Variants in CBX7 observed in about 807,000 individuals in gnomAD.
CBX7 encodes chromobox 7.
In CBX7, 14 loss-of-function variants were observed where a neutral mutation model predicts 31.4. The observed-to-expected ratio is 0.45, with a 90% CI of 0.29 to 0.70. The LOEUF (loss-of-function observed/expected upper bound fraction) is 0.70, where lower values mean the gene tolerates loss of function less well. Ranked by LOEUF, CBX7 falls within the 30% of genes least tolerant of loss-of-function variation. The pLI is 0.11. For synonymous variants in CBX7, 159 were observed against 152.6 expected, an observed-to-expected ratio of 1.04 and a Z score of -0.31; for missense variants, 269 against 351.9, an observed-to-expected ratio of 0.76 and a Z score of 1.89.
At position 39,132,059 on chromosome 22, in the gene CBX7, G is replaced by A. The variant is rs989440481; in HGVS notation, c.*1832C>T. On this transcript the variant is annotated 3_prime_UTR_variant, in exon 6 of 6. Coordinates refer to ENST00000216133, the MANE Select transcript of CBX7 (RefSeq NM_175709.5). ...CTAGATTCCATTCCCTGGGCTGGAG[G>A]TGAATCAGGTCATCCCGGAGGGGAC... The A allele has an allele frequency of 2.6e-5, 4 of 152,250 alleles. No individual in the cohort carries two copies. The highest frequency in any genetic ancestry group is 2.1e-4 in the South Asian group (1 of 4,828). 9.4% of individuals were successfully genotyped at this position (152,250 alleles called of 1,614,324 possible).
intron 2 of CBX7, among the ~76,000 whole-genome samples, chr22:39,144,490 A>C (rs901638137): frequency 6.6e-6 from 1 of 152,248 alleles, no homozygotes; most frequent in African/African-American, 2.4e-5. Context: ...TGGCGCGCAG[A>C]GCCACCGCAA....
intron 3 of CBX7, among the ~76,000 whole-genome samples, chr22:39,139,702 CAA>C (rs67244690): frequency 9.4e-5 from 3 of 32,048 alleles, no homozygotes; most frequent in African/African-American, 2.3e-4. Flanking sequence ...GACTCCATCT[CAA>C]AAAAAAAAAA....
chr22:39,144,119 G>A (rs770423879), intron 2 of CBX7, among the ~76,000 whole-genome samples: 1 of 152,032 alleles, frequency 6.6e-6, no homozygotes, highest in Non-Finnish European at 1.5e-5. Context: ...ACAGTATCCC[G>A]GGAACTACCT....
rs1280467943 is a variant in CBX7, at chr22:39,133,847, C to T, written c.*44G>A. ...CATCCCTATCTCTGGAAGTCCCACC[C>T]CAAGCCCAAAAGAAAACAGTTTAAG... On this transcript the variant is annotated 3_prime_UTR_variant, in exon 6 of 6. Coordinates refer to ENST00000216133, the MANE Select transcript of CBX7 (RefSeq NM_175709.5). The T allele has an allele frequency of 6.6e-7, 1 of 1,524,824 alleles. No homozygotes were observed. Among genetic ancestry groups the T allele is most frequent in the Non-Finnish European group, 8.9e-7 (1 of 1,128,380 alleles). The allele number at this position is 1,524,824 out of a possible 1,614,324, so 94.5% of individuals were successfully genotyped here. A position where few individuals can be genotyped will look rare whatever the true frequency, so the allele number is the denominator to read the frequency against.
chr22:39,147,973 A>G (rs1930720564), intron 2 of CBX7: 3 of 152,264 alleles, frequency 2.0e-5, no homozygotes, highest in Non-Finnish European at 1.5e-5. Context: ...CATTCGCTCA[A>G]TTACATCCAC....
chr22:39,142,516 T>A (rs1237548370), intron 2 of CBX7, among the ~76,000 whole-genome samples: 1 of 152,194 alleles, frequency 6.6e-6, no homozygotes, highest in Non-Finnish European at 1.5e-5. Flanking sequence ...GGGAGCACCC[T>A]CCTGCTGGGG....
chr22:39,151,831 T>C (rs1440470761), intron 1 of CBX7, among the ~76,000 whole-genome samples: 2 of 26,484 alleles, frequency 7.6e-5, no homozygotes, highest in African/African-American at 1.6e-4. Context: ...AGCCCTGGCC[T>C]GGGCTAGGAG....
chr22:39,151,196 G>C (rs139404), intron 1 of CBX7, among the ~76,000 whole-genome samples: 1 of 152,016 alleles, frequency 6.6e-6, no homozygotes. Context: ...TGAGCTTTGT[G>C]GAATAAATCA....
intron 2 of CBX7, chr22:39,148,929 G>C (rs921062692): frequency 3.9e-5 from 6 of 152,540 alleles, no homozygotes; most frequent in Non-Finnish European, 7.3e-5. Flanking sequence ...GTCCCTGCCC[G>C]ACAGCAGCAG....
intron 4 of CBX7, 178 bp from the exon 5 acceptor site, chr22:39,134,930 G>A (rs941058156): frequency 8.4e-5 from 48 of 574,130 alleles, no homozygotes; most frequent in Non-Finnish European, 1.4e-4. Context: ...AGTGCGCCCC[G>A]GGCAACCCCA....
chr22:39,131,755 G>C lies in CBX7; in HGVS notation c.*2136C>G, dbSNP rs1294149665. 6.6e-6 allele frequency: 1 copy of C among 152,288 alleles called. No homozygotes were observed. The highest frequency in any genetic ancestry group is 1.5e-5 in the Non-Finnish European group (1 of 68,078). The allele number at this position is 152,288 out of a possible 1,614,324, so 9.4% of individuals were successfully genotyped here. A position where few individuals can be genotyped will look rare whatever the true frequency, so the allele number is the denominator to read the frequency against. On this transcript the variant is annotated 3_prime_UTR_variant, in exon 6 of 6. Transcript: ENST00000216133. The stretch of plus-strand genomic sequence containing the variant: ...CCACAGATTGCGCAAATAGTTCTTT[G>C]AAAGTGACCAGGAAGCAGGAAAAAG...
At chr22:39,139,702 CAAAA>C (rs67244690) in intron 3 of CBX7, among the ~76,000 whole-genome samples, 1 of 32,060 alleles carries the variant, frequency 3.1e-5, no homozygotes, top group Admixed American at 3.3e-4. Context: ...GACTCCATCT[CAAAA>C]AAAAAAAAAA....
intron 2 of CBX7, chr22:39,147,128 G>T: frequency 7.3e-6 from 1 of 136,180 alleles, no homozygotes. Flanking sequence ...GTGGGGGACG[G>T]CGTCTCACTG....
At chr22:39,145,377 T>C (rs1248589025) in intron 2 of CBX7, among the ~76,000 whole-genome samples, 1 of 152,072 alleles carries the variant, frequency 6.6e-6, no homozygotes, top group African/African-American at 2.4e-5. Flanking sequence ...AGCGCGCCAC[T>C]AGCGTGGGCG....
chr22:39,135,134 A>C, intron 4 of CBX7: 4 of 181,706 alleles, frequency 2.2e-5, no homozygotes, highest in East Asian at 1.5e-4. Context: ...CACCTCCAAA[A>C]CTGACACTGC....
At chr22:39,145,903 G>C (rs1335189179) in intron 2 of CBX7, among the ~76,000 whole-genome samples, 1 of 152,098 alleles carries the variant, frequency 6.6e-6, no homozygotes, top group Non-Finnish European at 1.5e-5. Context: ...CGCAGCGGGT[G>C]CAGGACCCCC....
In CBX7 at chr22:39,152,593, T is replaced by C; in HGVS notation, c.-149A>G. On this transcript the variant is annotated 5_prime_UTR_variant, in exon 1 of 6. Transcript: ENST00000216133. The surrounding 1 kb of genome is among the most constrained non-coding windows in gnomAD (Gnocchi z 4.9). ...CGCACGCGCACGCGCGCACACCCCC[T>C]CGCGCTCCCTCACGCCGCCGACGTT... 6.3e-6 allele frequency: 1 copy of C among 157,856 alleles called. No homozygotes were observed. Among genetic ancestry groups the C allele is most frequent in the Middle Eastern group, 3.2e-3 (1 of 312 alleles). 9.8% of individuals were successfully genotyped at this position (157,856 alleles called of 1,614,324 possible). A position where few individuals can be genotyped will look rare whatever the true frequency, so the allele number is the denominator to read the frequency against.
chr22:39,142,090 G>A (rs112968653), intron 2 of CBX7, among the ~76,000 whole-genome samples: 8 of 152,186 alleles, frequency 5.3e-5, no homozygotes, highest in Non-Finnish European at 7.4e-5. Context: ...ACAGGCTCAC[G>A]GCCTGGGTTC....
rs1284985042 is a variant in CBX7 at position 39,152,249 on chromosome 22, C to T, written c.69+127G>A. ...TGAGGCACGGGCTGGGGAGACGGGC[C>T]CAGCAGCGCAGGGCTGCCGGGGCCC... On this transcript the variant is annotated intron_variant, in intron 1 of 5. Transcript: ENST00000216133. This position sits in a 1 kb window ranked among gnomAD's most constrained non-coding sequence, Gnocchi z 4.9. 2 of 368,806 alleles carry T rather than the reference C, an allele frequency of 5.4e-6. No homozygotes were observed. Among genetic ancestry groups the T allele is most frequent in the Admixed American group, 5.4e-5 (1 of 18,428 alleles). The allele number at this position is 368,806 out of a possible 1,614,324, so 22.8% of individuals were successfully genotyped here.
Sources: allele counts gnomAD v4.1 joint callset (sites outside exome capture counted in the v4.1 genomes callset), GRCh38; gene constraint gnomAD v4.1.1; non-coding constraint Gnocchi (gnomAD v3.1); transcripts MANE v1.5; gene names NCBI Gene and HGNC (gene_info 2026-07-23, HGNC 2026-07-21).